Variants in NFX1 observed in about 807,000 individuals in gnomAD.
NFX1 encodes the protein nuclear transcription factor, X-box binding 1.
NFX1 carries 69 observed loss-of-function variants against 137.2 expected under a neutral mutation model. That is an observed-to-expected ratio of 0.50 (90% CI 0.41 to 0.61). The LOEUF (loss-of-function observed/expected upper bound fraction) is 0.61. Among genes scored for constraint, NFX1 ranks in the 20% least tolerant of loss-of-function variants. The pLI is 0.00. For synonymous variants in NFX1, 495 were observed against 474.1 expected (o/e 1.04, Z -0.57); for missense variants, 1,167 against 1,391.0 (o/e 0.84, Z 2.56).
intron 6 of NFX1, 118 bp downstream of exon 6, chr9:33,311,295 A>T: frequency 2.2e-6 from 2 of 924,996 alleles, no homozygotes; most frequent in East Asian, 2.5e-5. Context: ...CATGAATAGT[A>T]CTTTTTTTTT....
At chr9:33,336,161 A>T (rs1479320773) in intron 11 of NFX1, among the ~76,000 whole-genome samples, 2 of 152,108 alleles carry the variant, frequency 1.3e-5, no homozygotes, top group Non-Finnish European at 2.9e-5. Context: ...CCATCAGTGT[A>T]TGAGGGTTTC....
chr9:33,360,888 T>G (rs1194465647), intron 19 of NFX1, among the ~76,000 whole-genome samples: 1 of 152,216 alleles, frequency 6.6e-6, no homozygotes, highest in African/African-American at 2.4e-5. Context: ...TGTAAGTGAC[T>G]CTTGGTGCAG....
At position 33,364,055 on chromosome 9, in the gene NFX1, C is replaced by T. The variant is rs1350206146; in HGVS notation, c.2919C>T (p.Phe973=). Residue 973 remains phenylalanine, a synonymous_variant, in exon 20 of 24, where the codon TTC becomes TTT. Transcript: ENST00000379540. ...ATATCAGTGAGGATTCTGATCCTTT[C>T]AATATACGTTCTTCAGGGTCAAAAT... The part of the protein sequence containing the change: ...AFHISEDSDP[F]NIRSSGSKFS... The T allele has an allele frequency of 1.1e-5, 17 of 1,605,180 alleles. No homozygotes were observed. In the East Asian group the frequency reaches 3.6e-4, roughly 34 times the overall value.
rs202149955 is a variant in NFX1 at position 33,367,576 on chromosome 9, C to T, written c.3247C>T (p.Arg1083Trp). Reference protein sequence around the residue: ...TGVLEREMQARPPPPIPHHRH... With the variant: ...TGVLEREMQAWPPPPIPHHRH... The stretch of plus-strand genomic sequence containing the variant: ...TGTGCTTGAAAGGGAAATGCAGGCA[C>T]GGCCTCCACCACCGATTCCTCATCA... The change falls in exon 23 of 24, where the codon CGG becomes TGG. Residue 1083 changes from arginine (R) to tryptophan (W), a missense_variant. Coordinates refer to ENST00000379540, the MANE Select transcript of NFX1 (RefSeq NM_002504.6). 25 of 1,613,760 alleles carry T rather than the reference C, an allele frequency of 1.5e-5. No homozygotes were observed. The highest frequency in any genetic ancestry group is 1.1e-4 in the African/African-American group (8 of 74,914).
chr9:33,332,279 T>G (rs1323181201), intron 10 of NFX1, among the ~76,000 whole-genome samples, 193 bp from the exon 11 acceptor site: 3 of 152,138 alleles, frequency 2.0e-5, no homozygotes, highest in Non-Finnish European at 4.4e-5. Flanking sequence ...AAGCCTGGAG[T>G]CCTCTTGTGA....
chr9:33,357,223 A>C lies in NFX1; in HGVS notation c.2873+2331A>C, dbSNP rs1159216709. On this transcript the variant is annotated intron_variant, in intron 19 of 23. Coordinates refer to ENST00000379540, the MANE Select transcript of NFX1 (RefSeq NM_002504.6). ...AAGCTGAGGCAGGAGAATGGCATGA[A>C]CCCAGGAGGCGGAGCTTGCAGTGAG... 3.3e-5 allele frequency among the ~76,000 whole-genome samples: 5 copies of C among 151,954 alleles called. No individual in the cohort carries two copies. In the East Asian group the frequency reaches 9.6e-4, roughly 29 times the overall value.
chr9:33,303,325 C>A, intron 4 of NFX1, 57 bp downstream of exon 4: 1 of 1,464,072 alleles, frequency 6.8e-7, no homozygotes, highest in South Asian at 1.1e-5. Context: ...TACCTCAGTT[C>A]AGGAAAGGTG....
At chr9:33,334,107 T>C (rs894083233) in intron 11 of NFX1, among the ~76,000 whole-genome samples, 5 of 152,118 alleles carry the variant, frequency 3.3e-5, no homozygotes, top group African/African-American at 9.7e-5. Context: ...ATCACACCAT[T>C]GCTCTCCAGC....
At position 33,344,142 on chromosome 9, in the gene NFX1, T is replaced by G; in HGVS notation, c.2298T>G (p.Pro766=). ...YPPVPCGTRP[P]ECTQTCARVH... ...CAGTTCCCTGTGGTACTAGGCCCCC[T>G]GAATGTACCCAAACCTGCGCTAGAG... Residue 766 remains proline, a synonymous_variant, in exon 14 of 24, where the codon CCT becomes CCG. Transcript: ENST00000379540. The G allele has an allele frequency of 6.2e-7, 1 of 1,614,070 alleles. No homozygotes were observed. Among genetic ancestry groups the G allele is most frequent in the Non-Finnish European group, 8.5e-7 (1 of 1,179,956 alleles).
intron 19 of NFX1, among the ~76,000 whole-genome samples, chr9:33,358,182 T>C (rs1177579327): frequency 6.6e-6 from 1 of 152,108 alleles, no homozygotes; most frequent in East Asian, 1.9e-4. Context: ...TGGAGTGCAA[T>C]GGTGTGATCT....
rs1822687791 is a variant in NFX1 at position 33,328,687 on chromosome 9, T to C, written c.2004+9T>C. ...GCTCTTTCAGAACAAAGGTAAATCC[T>C]AAACAATGCTAGAGTTGTTGCCATC... On this transcript the variant is annotated intron_variant, in intron 10 of 23. Transcript: ENST00000379540. The C allele has an allele frequency of 6.3e-7, 1 of 1,595,900 alleles. No individual in the cohort carries two copies. The highest frequency in any genetic ancestry group is 1.7e-5 in the Admixed American group (1 of 59,754).
rs369793511 is a variant in NFX1 at position 33,345,768 on chromosome 9, C to G, written c.2345-1270C>G. Among the ~76,000 whole-genome samples, 117 of 152,262 alleles carry G rather than the reference C, an allele frequency of 7.7e-4. 3 individuals carry two copies. Among genetic ancestry groups the G allele is most frequent in the African/African-American group, 2.7e-3 (111 of 41,550 alleles). On this transcript the variant is annotated intron_variant, in intron 14 of 23. Coordinates refer to ENST00000379540, the MANE Select transcript of NFX1 (RefSeq NM_002504.6). ...GTCCTGTTACATGGATGGGCCATAA[C>G]TTATTCAGTCAGTCTTGTGTTGCTG...
At position 33,337,778 on chromosome 9, in the gene NFX1, G is replaced by T. The variant is rs574395931; in HGVS notation, c.2036-732G>T. Among the ~76,000 whole-genome samples, 86 of 151,870 alleles carry T rather than the reference G, an allele frequency of 5.7e-4. 1 individual carries two copies. The South Asian group carries it at 0.018, about 32-fold the overall frequency. ...AAACAAAAACTGATGGCCGGGCATG[G>T]TGGTTCACACCTGTAATCCCAGCAC... On this transcript the variant is annotated intron_variant, in intron 11 of 23. Transcript: ENST00000379540.
intron 3 of NFX1, 68 bp downstream of exon 3, chr9:33,301,489 A>C: frequency 6.7e-7 from 1 of 1,492,226 alleles, no homozygotes; most frequent in Non-Finnish European, 9.0e-7. Flanking sequence ...TATTAAGCCC[A>C]GCTTTAAAAA....
At chr9:33,320,876 G>A (rs547812979) in intron 9 of NFX1, among the ~76,000 whole-genome samples, 15 of 152,292 alleles carry the variant, frequency 9.8e-5, no homozygotes, top group South Asian at 4.1e-4. Context: ...AAGTGCCAGC[G>A]TGAATCAGTG....
chr9:33,344,074 G>A lies in NFX1; in HGVS notation c.2230G>A (p.Asp744Asn). 1 of 1,613,914 alleles carries A rather than the reference G, an allele frequency of 6.2e-7. No individual in the cohort carries two copies. Among genetic ancestry groups the A allele is most frequent in the Non-Finnish European group, 8.5e-7 (1 of 1,179,890 alleles). The change falls in exon 14 of 24, where the codon GAT (aspartate) becomes AAT (asparagine). Residue 744 changes from aspartate to asparagine, a missense_variant. Physicochemically the swap from Asp to Asn is conservative, Grantham distance 23. This residue lies in a region of NFX1 where 488 missense variants were observed against 691.5 expected (regional missense o/e 0.71). Coordinates refer to ENST00000379540, the MANE Select transcript of NFX1 (RefSeq NM_002504.6). ...TTTACCTGCTGCTCCACCAGGTTTT[G>A]ATGAATTAACCTGCCATTGTGGTGC... Reference protein sequence around the residue: ...NCQTCWQASFDELTCHCGASV... With the variant: ...NCQTCWQASFNELTCHCGASV...
intron 6 of NFX1, among the ~76,000 whole-genome samples, chr9:33,312,745 C>T (rs1304920961): frequency 6.6e-6 from 1 of 152,164 alleles, no homozygotes; most frequent in Non-Finnish European, 1.5e-5. Flanking sequence ...GTGACACGTG[C>T]CTGTAGCCCC....
intron 7 of NFX1, among the ~76,000 whole-genome samples, chr9:33,314,651 T>C (rs1486357249): frequency 6.6e-6 from 1 of 152,094 alleles, no homozygotes; most frequent in Non-Finnish European, 1.5e-5. Context: ...CACTCTAGCC[T>C]GGATGACAGA....
chr9:33,366,548 A>G, intron 21 of NFX1, 81 bp from the exon 22 acceptor site: 1 of 1,537,506 alleles, frequency 6.5e-7, no homozygotes, highest in Non-Finnish European at 8.9e-7. Flanking sequence ...GATCCCTGCA[A>G]TTCTTGTGTG....
Sources: allele counts gnomAD v4.1 joint callset (sites outside exome capture counted in the v4.1 genomes callset), GRCh38; gene constraint gnomAD v4.1.1; regional missense constraint gnomAD v4.1.1; transcripts MANE v1.5; gene names NCBI Gene and HGNC (gene_info 2026-07-23, HGNC 2026-07-21).